TRIM4: variants seen among roughly 807,000 people sequenced by gnomAD.
TRIM4 encodes the protein tripartite motif containing 4.
TRIM4 carries 29 observed loss-of-function variants against 33.7 expected under a neutral mutation model. That is an observed-to-expected ratio of 0.86 (90% confidence interval 0.64 to 1.17). TRIM4 has a LOEUF of 1.17. Among genes scored for constraint, TRIM4 ranks in the 50% most tolerant of loss-of-function variants. TRIM4 has a pLI of 0.00. For synonymous variants in TRIM4, 224 were observed against 233.0 expected, an observed-to-expected ratio of 0.96 and a Z score of 0.35; for missense variants, 554 against 593.7, an observed-to-expected ratio of 0.93 and a Z score of 0.69.
chr7:99,904,843 C>T (rs994898007), intron 3 of TRIM4, among the ~76,000 whole-genome samples: 6 of 151,832 alleles, frequency 4.0e-5, no homozygotes, highest in Non-Finnish European at 7.4e-5. Flanking sequence ...ACCAGCCTGG[C>T]CAACATGATG....
intron 1 of TRIM4, 71 bp from the exon 2 acceptor site, chr7:99,909,731 T>G (rs77711029): frequency 0.41 from 246,376 of 607,234 alleles, 21,723 homozygotes; most frequent in African/African-American, 0.62. Context: ...TTCTTTTTGT[T>G]TTTTTTTTTT....
rs1818908588 is a variant in TRIM4 at position 99,892,293 on chromosome 7, G to A, written c.1295C>T (p.Ser432Phe). Residue 432 changes from serine to phenylalanine, a missense_variant, in exon 6 of 6, where the codon TCC (serine) becomes TTC (phenylalanine). Ser to Phe is a radical substitution (Grantham distance 155). Transcript: ENST00000349062. ...VYLDRGTGNV[S>F]FYSAVDGVHL... ...CACTCCGTCCACAGCGCTGTAGAAG[G>A]AGACATTCCCAGTCCCACGATCCAG... The A allele has an allele frequency of 6.2e-7, 1 of 1,614,216 alleles. No homozygotes were observed. Among genetic ancestry groups the A allele is most frequent in the Non-Finnish European group, 8.5e-7 (1 of 1,180,048 alleles).
At chr7:99,900,502 AC>A (rs1196936745) in intron 5 of TRIM4, among the ~76,000 whole-genome samples, 1 of 152,228 alleles carries the variant, frequency 6.6e-6, no homozygotes, top group Non-Finnish European at 1.5e-5. Context: ...ATAAATAATG[AC>A]AATAATATAT....
chr7:99,896,559 T>G (rs1819020382), intron 5 of TRIM4, among the ~76,000 whole-genome samples: 1 of 152,224 alleles, frequency 6.6e-6, no homozygotes. Flanking sequence ...TATGTCTCAT[T>G]CACCGGCTCC....
intron 1 of TRIM4, among the ~76,000 whole-genome samples, chr7:99,913,259 A>G (rs771569348): frequency 6.6e-5 from 10 of 152,166 alleles, no homozygotes; most frequent in Admixed American, 1.3e-4. Flanking sequence ...AGTTAACTTG[A>G]CAGCCTTGGT....
At chr7:99,913,748 T>C (rs1045002321) in intron 1 of TRIM4, among the ~76,000 whole-genome samples, 2 of 152,130 alleles carry the variant, frequency 1.3e-5, no homozygotes, top group African/African-American at 2.4e-5. Context: ...ACCAGAAAAT[T>C]ATACGTATAT....
chr7:99,903,558 G>A lies in TRIM4; in HGVS notation c.743+18C>T, dbSNP rs368717124. 2 of 1,614,190 alleles carry A rather than the reference G, an allele frequency of 1.2e-6. No individual in the cohort carries two copies. Among genetic ancestry groups the A allele is most frequent in the African/African-American group, 1.3e-5 (1 of 75,038 alleles). On this transcript the variant is annotated intron_variant, in intron 4 of 5. Coordinates refer to ENST00000349062, the MANE Select transcript of TRIM4 (RefSeq NM_033091.3). ...TACCATGCCACCCAGGTCCCCATAA[G>A]AGAACAGGAGTGCATACCTGGTCAA...
chr7:99,919,382 T>G lies in TRIM4; in HGVS notation c.20A>C (p.Gln7Pro). MEAEDI[Q>P]EELTCPICLD... is the part of the protein sequence containing the mutation. ...GCAGATGGGGCAGGTCAACTCCTCCTGGATGTCCTCAGCTTCCATGCTGCT... is the reference window on the plus strand; with the variant it reads ...GCAGATGGGGCAGGTCAACTCCTCCGGGATGTCCTCAGCTTCCATGCTGCT... The change falls in exon 1 of 6, where the codon CAG (glutamine) becomes CCG (proline). Residue 7 changes from glutamine (Q) to proline (P), a missense_variant. Physicochemically the swap from Gln to Pro is moderately conservative, Grantham distance 76. Transcript: ENST00000349062. 1.3e-6 allele frequency: 2 copies of G among 1,572,562 alleles called. No individual in the cohort carries two copies. Among genetic ancestry groups the G allele is most frequent in the South Asian group, 2.3e-5 (2 of 86,560 alleles).
chr7:99,911,691 C>T (rs141405683), intron 1 of TRIM4, among the ~76,000 whole-genome samples: 1 of 152,286 alleles, frequency 6.6e-6, no homozygotes, highest in African/African-American at 2.4e-5. Flanking sequence ...TCTTACACAA[C>T]ATTAGCAGGC....
At chr7:99,907,749 C>T (rs980414775) in intron 3 of TRIM4, among the ~76,000 whole-genome samples, 1 of 152,014 alleles carries the variant, frequency 6.6e-6, no homozygotes, top group Non-Finnish European at 1.5e-5. Flanking sequence ...TTCTGACTTC[C>T]TTAAGAGTAG....
chr7:99,909,160 G>A (rs191638127), intron 2 of TRIM4, among the ~76,000 whole-genome samples: 46 of 151,276 alleles, frequency 3.0e-4, no homozygotes, highest in East Asian at 7.8e-4. Context: ...GTGTGTGTGC[G>A]TGTGTGTGTG....
intron 1 of TRIM4, chr7:99,917,706 C>A (rs958880573): frequency 4.2e-6 from 3 of 713,338 alleles, no homozygotes; most frequent in African/African-American, 1.9e-5. Flanking sequence ...GCAACAAGAG[C>A]GAAACTCCAT....
intron 5 of TRIM4, among the ~76,000 whole-genome samples, chr7:99,895,159 A>G (rs528828673): frequency 1.2e-4 from 19 of 152,170 alleles, no homozygotes; most frequent in Non-Finnish European, 2.1e-4. Context: ...AGCTGAGGTC[A>G]GTGATTTGAG....
intron 5 of TRIM4, among the ~76,000 whole-genome samples, chr7:99,897,441 C>T (rs1819043055): frequency 6.6e-6 from 1 of 152,030 alleles, no homozygotes; most frequent in South Asian, 2.1e-4. Flanking sequence ...TGAATGTTCC[C>T]GATGCAGATA....
rs968944029 is a variant in TRIM4 at position 99,918,297 on chromosome 7, G to C, written c.393+712C>G. On this transcript the variant is annotated intron_variant, in intron 1 of 5. Transcript: ENST00000349062. ...AAATATCTCATTGAGGCCGGGCGTG[G>C]TGACTCACACCTTAATCCCAGCACT... 2.0e-5 allele frequency among the ~76,000 whole-genome samples: 3 copies of C among 152,154 alleles called. No homozygotes were observed. The South Asian group carries it at 6.2e-4, about 32-fold the overall frequency.
chr7:99,892,258 T>C lies in TRIM4; in HGVS notation c.1330A>G (p.Thr444Ala). ...CGTGAGACAGAAGAACAAGAAAAGG[T>C]GTGCAGGTGCACTCCGTCCACAGCG... ...YSAVDGVHLH[T>A]FSCSSVSRLR... The change falls in exon 6 of 6, where the codon ACC becomes GCC. Residue 444 changes from threonine (T) to alanine (A), a missense_variant. By Grantham distance (58) the Thr-to-Ala change is moderately conservative. Transcript: ENST00000349062. 5.6e-6 allele frequency: 9 copies of C among 1,614,042 alleles called. No individual in the cohort carries two copies. Among genetic ancestry groups the C allele is most frequent in the Non-Finnish European group, 7.6e-6 (9 of 1,179,996 alleles).
intron 5 of TRIM4, among the ~76,000 whole-genome samples, chr7:99,899,312 T>C (rs573563115): frequency 1.1e-4 from 16 of 152,334 alleles, no homozygotes; most frequent in African/African-American, 2.2e-4. Context: ...CAGGTGGAGA[T>C]TGCTAAATGA....
rs758210814 is a variant in TRIM4, at chr7:99,908,672, C to A, written c.630G>T (p.Thr210=). The A allele has an allele frequency of 6.2e-7, 1 of 1,614,156 alleles. No individual in the cohort carries two copies. The highest frequency in any genetic ancestry group is 1.6e-4 in the Middle Eastern group (1 of 6,062). Residue 210 remains threonine, a synonymous_variant, in exon 3 of 6, where the codon ACG becomes ACT. Coordinates refer to ENST00000349062, the MANE Select transcript of TRIM4 (RefSeq NM_033091.3). The stretch of plus-strand genomic sequence containing the variant: ...AAGCGATAGTTTGATTGAGTTTTAA[C>A]GTGTTCTCATTCAGCTTCTTCTTCG... The part of the protein sequence containing the change: ...EETKKKLNEN[T]LKLNQTIASL...
rs1446675120 is a variant in TRIM4, at chr7:99,903,559, A to G, written c.743+17T>C. 1 of 1,614,206 alleles carries G rather than the reference A, an allele frequency of 6.2e-7. No homozygotes were observed. ...ACCATGCCACCCAGGTCCCCATAAG[A>G]GAACAGGAGTGCATACCTGGTCAAC... On this transcript the variant is annotated intron_variant, in intron 4 of 5. Coordinates refer to ENST00000349062, the MANE Select transcript of TRIM4 (RefSeq NM_033091.3).
Sources: gnomAD v4.1 joint callset for allele counts (sites outside exome capture counted in the v4.1 genomes callset) on GRCh38, gnomAD v4.1.1 for gene constraint, MANE v1.5 for transcripts, NCBI Gene and HGNC (gene_info 2026-07-23, HGNC 2026-07-21) for gene names.